DSCAM: variants seen among roughly 807,000 people sequenced by gnomAD.
DSCAM encodes the protein cell adhesion molecule DSCAM.
DSCAM carries 47 observed loss-of-function variants against 217.7 expected under a neutral mutation model. The observed-to-expected ratio is 0.22, with a 90% confidence interval of 0.17 to 0.28. DSCAM has a LOEUF of 0.28. Among genes scored for constraint, DSCAM ranks in the 10% least tolerant of loss-of-function variants. The pLI is 1.00. For missense variants in DSCAM, 2,080 were observed against 2,618.3 expected, an observed-to-expected ratio of 0.79 and a Z score of 4.49; for synonymous variants, 1,056 against 1,015.3, an observed-to-expected ratio of 1.04 and a Z score of -0.76.
chr21:40,786,866 C>T (rs556639388), intron 1 of DSCAM, among the ~76,000 whole-genome samples: 1 of 152,116 alleles, frequency 6.6e-6, no homozygotes, highest in Non-Finnish European at 1.5e-5. Context: ...ATCAGTCAGT[C>T]CCCAAAATTT....
At chr21:40,488,170 G>A (rs1318923767) in intron 3 of DSCAM, among the ~76,000 whole-genome samples, 2 of 152,190 alleles carry the variant, frequency 1.3e-5, no homozygotes, top group African/African-American at 2.4e-5. Flanking sequence ...CTCTATGAGT[G>A]TGTCGCCCTC....
At chr21:40,096,656 G>T (rs1296203220) in intron 20 of DSCAM, among the ~76,000 whole-genome samples, 2 of 151,964 alleles carry the variant, frequency 1.3e-5, no homozygotes, top group Non-Finnish European at 2.9e-5. Context: ...GATGAAAACT[G>T]TAGCCCGCAG....
At chr21:40,790,194 T>C (rs574852747) in intron 1 of DSCAM, among the ~76,000 whole-genome samples, 43 of 149,700 alleles carry the variant, frequency 2.9e-4, no homozygotes, top group Non-Finnish European at 2.5e-4. Context: ...TTTTTTTTTT[T>C]TTTTTTAGAT....
At chr21:40,559,459 A>G (rs944936126) in intron 3 of DSCAM, among the ~76,000 whole-genome samples, 9 of 25,920 alleles carry the variant, frequency 3.5e-4, no homozygotes, top group Non-Finnish European at 9.7e-4. Flanking sequence ...ACCCCGTCTC[A>G]AAAAAAAAAA....
intron 26 of DSCAM, among the ~76,000 whole-genome samples, chr21:40,077,355 C>G (rs898027264): frequency 3.9e-5 from 6 of 152,128 alleles, no homozygotes; most frequent in African/African-American, 1.4e-4. Flanking sequence ...TAGGTCTGCT[C>G]TGTGTGCCAA....
intron 3 of DSCAM, among the ~76,000 whole-genome samples, chr21:40,567,333 C>G (rs1013804382): frequency 1.3e-5 from 2 of 152,300 alleles, no homozygotes; most frequent in African/African-American, 4.8e-5. Context: ...GCCTCCTTGT[C>G]TTCCTTGCTA....
intron 3 of DSCAM, among the ~76,000 whole-genome samples, chr21:40,514,334 G>A (rs2076283090): frequency 6.6e-6 from 1 of 152,150 alleles, no homozygotes; most frequent in African/African-American, 2.4e-5. Context: ...CAGGGAAAAT[G>A]AACAAGGCCA....
intron 10 of DSCAM, among the ~76,000 whole-genome samples, chr21:40,291,679 T>A (rs2073894329): frequency 6.6e-6 from 1 of 152,158 alleles, no homozygotes; most frequent in Non-Finnish European, 1.5e-5. Context: ...CATCTGTCTT[T>A]AAGTCTTTCC....
At chr21:40,598,652 A>G (rs1047850780) in intron 3 of DSCAM, among the ~76,000 whole-genome samples, 1 of 151,628 alleles carries the variant, frequency 6.6e-6, no homozygotes, top group South Asian at 2.1e-4. Context: ...TTACAGGTGC[A>G]CGCCATGACA....
chr21:40,510,842 AC>A (rs2076252431), intron 3 of DSCAM, among the ~76,000 whole-genome samples: 1 of 152,220 alleles, frequency 6.6e-6, no homozygotes, highest in Non-Finnish European at 1.5e-5. Context: ...ATAAGACCCT[AC>A]CCAGGGACCG....
At chr21:40,597,864 G>A (rs1375403244) in intron 3 of DSCAM, among the ~76,000 whole-genome samples, 1 of 152,116 alleles carries the variant, frequency 6.6e-6, no homozygotes, top group Non-Finnish European at 1.5e-5. Flanking sequence ...ATAGTAGAGA[G>A]AGCTCCCATG....
intron 1 of DSCAM, among the ~76,000 whole-genome samples, chr21:40,737,280 GAC>G (rs1242766318): frequency 3.3e-5 from 5 of 152,140 alleles, no homozygotes; most frequent in African/African-American, 1.2e-4. Flanking sequence ...AAAAAATAGA[GAC>G]ACACAGCTTT....
At chr21:40,676,808 T>C (rs1213599634) in intron 3 of DSCAM, among the ~76,000 whole-genome samples, 1 of 152,180 alleles carries the variant, frequency 6.6e-6, no homozygotes, top group Non-Finnish European at 1.5e-5. Flanking sequence ...AGATTTTTTT[T>C]AAAGTCTTGA....
chr21:40,464,816 C>T (rs1343773547), intron 3 of DSCAM, among the ~76,000 whole-genome samples: 1 of 151,314 alleles, frequency 6.6e-6, no homozygotes, highest in Non-Finnish European at 1.5e-5. Context: ...TCTCAGCTCA[C>T]TGCAACCTCT....
intron 9 of DSCAM, among the ~76,000 whole-genome samples, chr21:40,306,690 A>G (rs905369629): frequency 6.6e-6 from 1 of 152,046 alleles, no homozygotes; most frequent in African/African-American, 2.4e-5. Flanking sequence ...TTCTGCATCT[A>G]TTGAGATAAT....
Position 40,708,382 on chromosome 21 carries a change from G to T in DSCAM, c.361+72C>A, listed in dbSNP as rs972887791. On this transcript the variant is annotated intron_variant, in intron 2 of 32. Transcript: ENST00000400454. Reference sequence around the variant, plus strand: ...TGGTTCTCTGCTGTGATGGCATTTTGCTATGTGTCATTGTCATTATCCTCC... The same window carrying T: ...TGGTTCTCTGCTGTGATGGCATTTTTCTATGTGTCATTGTCATTATCCTCC... 93 of 1,261,940 alleles carry T rather than the reference G, an allele frequency of 7.4e-5. No individual in the cohort carries two copies. The East Asian group carries it at 2.2e-3, about 30-fold the overall frequency. The allele number at this position is 1,261,940 out of a possible 1,614,324, so 78.2% of individuals were successfully genotyped here. A position where few individuals can be genotyped will look rare whatever the true frequency, so the allele number is the denominator to read the frequency against.
chr21:40,302,915 T>C (rs2074032299), intron 9 of DSCAM, among the ~76,000 whole-genome samples: 1 of 152,198 alleles, frequency 6.6e-6, no homozygotes, highest in Non-Finnish European at 1.5e-5. Context: ...ACTATGGTTA[T>C]AATAAGACAG....
intron 1 of DSCAM, among the ~76,000 whole-genome samples, chr21:40,832,411 A>C (rs2092018962): frequency 6.6e-6 from 1 of 152,228 alleles, no homozygotes; most frequent in Non-Finnish European, 1.5e-5. Context: ...CAAGGAGGAT[A>C]TCTTTCTTCA....
At chr21:40,223,436 C>T (rs928436049) in intron 11 of DSCAM, among the ~76,000 whole-genome samples, 2 of 152,182 alleles carry the variant, frequency 1.3e-5, no homozygotes, top group African/African-American at 4.8e-5. Flanking sequence ...TTTCTTGCAG[C>T]ATGACATATG....
Sources: allele counts gnomAD v4.1 joint callset (sites outside exome capture counted in the v4.1 genomes callset), GRCh38; gene constraint gnomAD v4.1.1; transcripts MANE v1.5; gene names NCBI Gene and HGNC (gene_info 2026-07-23, HGNC 2026-07-21).